The following MSRA variants were observed in gnomAD, a reference collection of about 807,000 sequenced individuals.
MSRA encodes mitochondrial peptide methionine sulfoxide reductase.
A neutral mutation model predicts 31.3 loss-of-function variants in MSRA; 54 were observed. The observed-to-expected ratio is 1.73, with a 90% CI of 1.39 to 2.17. The LOEUF (loss-of-function observed/expected upper bound fraction) is 2.17. Ranked by LOEUF, MSRA falls within the 30% of genes most tolerant of loss-of-function variation. The pLI is 0.00. For synonymous variants in MSRA, 169 were observed against 116.5 expected (o/e 1.45, Z -2.90); for missense variants, 507 against 300.9 (o/e 1.69, Z -5.07).
intron 2 of MSRA, among the ~76,000 whole-genome samples, chr8:10,219,133 A>T (rs1195501863): frequency 6.6e-6 from 1 of 152,208 alleles, no homozygotes; most frequent in Non-Finnish European, 1.5e-5. Context: ...CAAACTGTTG[A>T]AATGATAGAA....
chr8:10,402,070 T>G (rs1036403346), intron 5 of MSRA, among the ~76,000 whole-genome samples: 1 of 152,164 alleles, frequency 6.6e-6, no homozygotes, highest in Non-Finnish European at 1.5e-5. Context: ...TATTTTACCA[T>G]AATAGAAAAA....
intron 1 of MSRA, among the ~76,000 whole-genome samples, chr8:10,118,828 T>C (rs573997993): frequency 1.3e-5 from 2 of 152,350 alleles, no homozygotes; most frequent in Non-Finnish European, 2.9e-5. Flanking sequence ...AGGCAGAATT[T>C]GTCTCTAGGC....
intron 5 of MSRA, among the ~76,000 whole-genome samples, chr8:10,369,383 A>G (rs1229734505): frequency 3.3e-5 from 5 of 152,166 alleles, no homozygotes; most frequent in African/African-American, 1.2e-4. Context: ...GAGTGCTTTA[A>G]TTGCAGACAA....
chr8:10,166,644 T>G (rs2129044550), intron 1 of MSRA, among the ~76,000 whole-genome samples: 1 of 152,324 alleles, frequency 6.6e-6, no homozygotes, highest in Middle Eastern at 3.4e-3. Context: ...TTCTGTGGGC[T>G]GGGGATCTGC....
chr8:10,342,813 T>C (rs1302167918), intron 5 of MSRA, among the ~76,000 whole-genome samples: 1 of 152,142 alleles, frequency 6.6e-6, no homozygotes, highest in East Asian at 1.9e-4. Flanking sequence ...CCCAGTTGAG[T>C]GACTTAGGGA....
chr8:10,403,606 C>T (rs1415192678), intron 5 of MSRA, among the ~76,000 whole-genome samples: 1 of 152,222 alleles, frequency 6.6e-6, no homozygotes, highest in Non-Finnish European at 1.5e-5. Flanking sequence ...AAGCATTCCC[C>T]AACAGTCTCC....
At chr8:10,283,834 T>TATATATAC (rs1799780879) in intron 3 of MSRA, among the ~76,000 whole-genome samples, 1 of 71,078 alleles carries the variant, frequency 1.4e-5, no homozygotes, top group African/African-American at 5.5e-5. Flanking sequence ...TATATATATA[T>TATATATAC]ATACACACAC....
Position 10,207,859 on chromosome 8 carries a change from A to G in MSRA, c.169A>G (p.Thr57Ala), listed in dbSNP as rs771101315. Residue 57 changes from threonine (T) to alanine (A), a missense_variant, in exon 2 of 6, where the codon ACA becomes GCA. By Grantham distance (58) the Thr-to-Ala change is moderately conservative. Transcript: ENST00000317173. Reference sequence around the variant, plus strand: ...CAAACATCATGTCAATGGCAACAGAACAGTCGAACCTTTCCCAGAGGGAAC... The same window carrying G: ...CAAACATCATGTCAATGGCAACAGAGCAGTCGAACCTTTCCCAGAGGGAAC... ...AAKHHVNGNR[T>A]VEPFPEGTQM... is the part of the protein sequence containing the mutation. The G allele has an allele frequency of 1.9e-6, 3 of 1,612,758 alleles. No homozygotes were observed. The highest frequency in any genetic ancestry group is 2.5e-6 in the Non-Finnish European group (3 of 1,179,452).
intron 2 of MSRA, among the ~76,000 whole-genome samples, chr8:10,214,257 C>T (rs1297110294): frequency 6.6e-6 from 1 of 152,114 alleles, no homozygotes; most frequent in African/African-American, 2.4e-5. Flanking sequence ...GAGCAGGGGC[C>T]CGTGGCTGAC....
chr8:10,395,825 A>G (rs567601494), intron 5 of MSRA, among the ~76,000 whole-genome samples: 1 of 152,328 alleles, frequency 6.6e-6, no homozygotes, highest in East Asian at 1.9e-4. Context: ...TGGGTTTCAG[A>G]GGCACATATC....
chr8:10,221,149 C>T (rs117327700), intron 2 of MSRA, among the ~76,000 whole-genome samples: 3,341 of 152,246 alleles, frequency 0.022, 87 homozygotes, highest in East Asian at 0.14. Flanking sequence ...GCCGCCTTCC[C>T]GAGCAAATAG....
chr8:10,192,759 A>G lies in MSRA; in HGVS notation c.143-15074A>G, dbSNP rs114843811. Reference sequence around the variant, plus strand: ...AGAATGCTTTTCTCACTGAAACAGTATTCTGTAAATGGTGCTCAGGGTCCT... The same window carrying G: ...AGAATGCTTTTCTCACTGAAACAGTGTTCTGTAAATGGTGCTCAGGGTCCT... On this transcript the variant is annotated intron_variant, in intron 1 of 5. Transcript: ENST00000317173. 2.6e-3 allele frequency among the ~76,000 whole-genome samples: 395 copies of G among 152,358 alleles called. 3 individuals are homozygous for G. Among genetic ancestry groups the G allele is most frequent in the African/African-American group, 9.1e-3 (379 of 41,586 alleles).
rs930425908 is a variant in MSRA, at chr8:10,261,130, CA to C, written c.331+15916del. ...ATTTAGGTTGCTGTAATAGTGTACCCAAAAAAAAACTATAGTCTGCTGTGAT... is the reference window on the plus strand; with the variant it reads ...ATTTAGGTTGCTGTAATAGTGTACCCAAAAAAAACTATAGTCTGCTGTGAT... On this transcript the variant is annotated intron_variant, in intron 3 of 5. Coordinates refer to ENST00000317173, the MANE Select transcript of MSRA (RefSeq NM_012331.5). Among the ~76,000 whole-genome samples the C allele has an allele frequency of 6.7e-5, 10 of 149,842 alleles. No individual in the cohort carries two copies. The East Asian group carries it at 7.8e-4, about 12-fold the overall frequency.
chr8:10,350,454 T>C (rs988546252), intron 5 of MSRA, among the ~76,000 whole-genome samples: 1 of 152,206 alleles, frequency 6.6e-6, no homozygotes. Context: ...GATCTGACAC[T>C]GTGGATGAAA....
intron 3 of MSRA, among the ~76,000 whole-genome samples, chr8:10,259,776 C>A (rs1798374160): frequency 1.3e-5 from 2 of 152,210 alleles, no homozygotes; most frequent in Admixed American, 6.5e-5. Context: ...TCCCGGACCT[C>A]AGCTTCCCTG....
chr8:10,365,990 A>C (rs1805142879), intron 5 of MSRA, among the ~76,000 whole-genome samples: 1 of 152,158 alleles, frequency 6.6e-6, no homozygotes, highest in African/African-American at 2.4e-5. Flanking sequence ...TGCCAAGCTG[A>C]GCAGCCTTGC....
At chr8:10,147,797 G>A (rs1309120419) in intron 1 of MSRA, among the ~76,000 whole-genome samples, 1 of 152,194 alleles carries the variant, frequency 6.6e-6, no homozygotes, top group Non-Finnish European at 1.5e-5. Flanking sequence ...CACGTCCCAG[G>A]GGCTCGGAGA....
At position 10,054,450 on chromosome 8, in the gene MSRA, G is replaced by T; in HGVS notation, c.-67G>T. 1 of 1,333,406 alleles carries T rather than the reference G, an allele frequency of 7.5e-7. No individual in the cohort carries two copies. The highest frequency in any genetic ancestry group is 9.9e-7 in the Non-Finnish European group (1 of 1,013,660). 82.6% of individuals were successfully genotyped at this position (1,333,406 alleles called of 1,614,324 possible). On this transcript the variant is annotated 5_prime_UTR_variant, in exon 1 of 6. Transcript: ENST00000317173. Reference sequence around the variant, plus strand: ...CCGGCCGCGGACCCCACTCTCTGCCGTTCCGGCTGCGGCTCCGCTGCCGGT... The same window carrying T: ...CCGGCCGCGGACCCCACTCTCTGCCTTTCCGGCTGCGGCTCCGCTGCCGGT...
At chr8:10,257,618 G>A (rs1224056797) in intron 3 of MSRA, among the ~76,000 whole-genome samples, 4 of 152,134 alleles carry the variant, frequency 2.6e-5, no homozygotes, top group Admixed American at 6.6e-5. Context: ...ACGTTGGCCA[G>A]GCTGGTCTCA....
Sources: allele counts gnomAD v4.1 joint callset (sites outside exome capture counted in the v4.1 genomes callset), GRCh38; gene constraint gnomAD v4.1.1; transcripts MANE v1.5; gene names NCBI Gene and HGNC (gene_info 2026-07-23, HGNC 2026-07-21).